Variants in SLC36A1 observed in about 807,000 individuals in gnomAD.
The protein encoded by SLC36A1 is solute carrier family 36 member 1.
SLC36A1 carries 30 observed loss-of-function variants against 47.5 expected under a neutral mutation model. That is an observed-to-expected ratio of 0.63 (90% CI 0.47 to 0.86). SLC36A1 has a LOEUF of 0.86. Among genes scored for constraint, SLC36A1 ranks in the 40% least tolerant of loss-of-function variants. The pLI is 0.00. For synonymous variants in SLC36A1, 255 were observed against 249.7 expected (o/e 1.02, Z -0.20); for missense variants, 517 against 606.0 (o/e 0.85, Z 1.54).
At chr5:151,532,446 A>G in the SLC36A1 span, among the ~76,000 whole-genome samples, 1 of 152,020 alleles carries the variant, frequency 6.6e-6, no homozygotes, top group African/African-American at 2.4e-5. Flanking sequence ...GAAACTGGTG[A>G]AATCTGAGTA....
At chr5:151,537,035 A>G in the SLC36A1 span, among the ~76,000 whole-genome samples, 37 of 152,172 alleles carry the variant, frequency 2.4e-4, no homozygotes, top group African/African-American at 8.9e-4. Context: ...TTCTGTGTCC[A>G]CAAGTCTCAC....
the SLC36A1 span, among the ~76,000 whole-genome samples, chr5:151,533,048 C>T: frequency 6.6e-6 from 1 of 152,146 alleles, no homozygotes; most frequent in East Asian, 1.9e-4. Flanking sequence ...GTTGGAATAA[C>T]CATTTTGGAA....
the SLC36A1 span, among the ~76,000 whole-genome samples, chr5:151,546,867 C>T: frequency 2.6e-5 from 4 of 152,168 alleles, no homozygotes; most frequent in East Asian, 1.9e-4. Flanking sequence ...TGTGAGCCAC[C>T]GTGCCTGGCT....
chr5:151,468,732 A>T (rs1391738605), intron 7 of SLC36A1, among the ~76,000 whole-genome samples: 1 of 151,936 alleles, frequency 6.6e-6, no homozygotes, highest in Admixed American at 6.6e-5. Context: ...ACTGGTTTAG[A>T]CTTTTTTCAA....
At position 151,460,555 on chromosome 5, in the gene SLC36A1, C is replaced by T. The variant is rs1303514696; in HGVS notation, c.143+1620C>T. Among the ~76,000 whole-genome samples the T allele has an allele frequency of 3.3e-5, 5 of 152,030 alleles. No individual in the cohort carries two copies. In the East Asian group the frequency reaches 9.6e-4, roughly 29 times the overall value. ...GATACAGTGTAGGTGACCAGGGAAG[C>T]CTATCTGTAGTTGATGGCAGGTATT... is the stretch of plus-strand genomic sequence containing the variant. On this transcript the variant is annotated intron_variant, in intron 2 of 10. Transcript: ENST00000243389.
At chr5:151,442,403 A>G (rs1752679705) in intron 1 of SLC36A1, among the ~76,000 whole-genome samples, 2 of 152,184 alleles carry the variant, frequency 1.3e-5, no homozygotes, top group South Asian at 2.1e-4. Context: ...ATAACTATAC[A>G]TATTTATGAG....
In SLC36A1 at chr5:151,491,577, T is replaced by C. The variant is rs1016030284; in HGVS notation, c.*3323T>C. On this transcript the variant is annotated 3_prime_UTR_variant, in exon 11 of 11. Coordinates refer to ENST00000243389, the MANE Select transcript of SLC36A1 (RefSeq NM_078483.4). ...TCTCTGTTTAGCACTAATGTTCACC[T>C]CGTATTTTTTGGAAGTGCAAAAATC... The C allele has an allele frequency of 6.5e-6, 1 of 152,794 alleles. No individual in the cohort carries two copies. The allele number at this position is 152,794 out of a possible 1,614,324, so 9.5% of individuals were successfully genotyped here. A position where few individuals can be genotyped will look rare whatever the true frequency, so the allele number is the denominator to read the frequency against.
intron 2 of SLC36A1, chr5:151,459,646 C>CT (rs1755213837): frequency 6.6e-6 from 1 of 152,290 alleles, no homozygotes; most frequent in Non-Finnish European, 1.5e-5. Flanking sequence ...CAGCAGACCT[C>CT]TGACTTTTCT....
chr5:151,497,645 C>A, the SLC36A1 span, among the ~76,000 whole-genome samples: 1 of 152,082 alleles, frequency 6.6e-6, no homozygotes, highest in Non-Finnish European at 1.5e-5. Flanking sequence ...AGAAAGGCTG[C>A]GTGGGTTTCT....
the SLC36A1 span, chr5:151,347,427 C>A: frequency 6.2e-7 from 1 of 1,614,156 alleles, no homozygotes; most frequent in Non-Finnish European, 8.5e-7. Flanking sequence ...GCAACGGCTC[C>A]CTGGGGACCC....
At chr5:151,382,030 C>A in the SLC36A1 span, 1 of 650,730 alleles carries the variant, frequency 1.5e-6, no homozygotes, top group Non-Finnish European at 2.8e-6. Context: ...AGCCCGGGAG[C>A]TCTCCCAGTC....
At chr5:151,542,887 CCT>C in the SLC36A1 span, 1 of 1,614,164 alleles carries the variant, frequency 6.2e-7, no homozygotes, top group Non-Finnish European at 8.5e-7. Flanking sequence ...CTTTATGACC[CCT>C]GTGTCTGGGT....
chr5:151,545,613 G>T, the SLC36A1 span: 3 of 1,614,086 alleles, frequency 1.9e-6, no homozygotes, highest in Admixed American at 3.3e-5. Flanking sequence ...CATAGACACA[G>T]AATTGGAAAG....
At chr5:151,476,244 G>T (rs1052445430) in intron 8 of SLC36A1, among the ~76,000 whole-genome samples, 4 of 152,258 alleles carry the variant, frequency 2.6e-5, no homozygotes, top group African/African-American at 9.6e-5. Flanking sequence ...CATGACATGA[G>T]AGGGCCTTCT....
the SLC36A1 span, among the ~76,000 whole-genome samples, chr5:151,406,108 A>G: frequency 1.3e-5 from 2 of 152,168 alleles, no homozygotes; most frequent in Admixed American, 6.5e-5. Context: ...GCCCCCTCCA[A>G]TCACTGGTGC....
the SLC36A1 span, chr5:151,507,499 ACGCCACGGCCACTGTGATGAT>A: frequency 6.2e-7 from 1 of 1,614,044 alleles, no homozygotes. Context: ...ATGATAATGA[ACGCCACGGCCACTGTGATGAT>A]CAGTAACTCC....
At chr5:151,505,734 C>A in the SLC36A1 span, 9 of 1,613,612 alleles carry the variant, frequency 5.6e-6, no homozygotes, top group Non-Finnish European at 7.6e-6. Flanking sequence ...CCCCTTGTAG[C>A]CCCCGTCTGC....
downstream of SLC36A1, among the ~76,000 whole-genome samples, chr5:151,492,658 G>C (rs1469609806): frequency 6.6e-6 from 1 of 152,168 alleles, no homozygotes; most frequent in Non-Finnish European, 1.5e-5. Flanking sequence ...TTGCATAGCA[G>C]ATGAGCCCAC....
chr5:151,543,507 C>T, the SLC36A1 span: 2 of 1,614,180 alleles, frequency 1.2e-6, no homozygotes, highest in Non-Finnish European at 1.7e-6. Context: ...CCAGTTTCTG[C>T]AGAGTGGCAA....
Sources: allele counts gnomAD v4.1 joint callset (sites outside exome capture counted in the v4.1 genomes callset), GRCh38; gene constraint gnomAD v4.1.1; transcripts MANE v1.5; gene names NCBI Gene and HGNC (gene_info 2026-07-23, HGNC 2026-07-21).